ZG16: variants seen among roughly 807,000 people sequenced by gnomAD.
The protein encoded by ZG16 is zymogen granule membrane protein 16.
In ZG16, 9 loss-of-function variants were observed where a neutral mutation model predicts 15.6. The ratio of observed to expected loss-of-function variants is 0.58; its 90% CI spans 0.35 to 1.00. The LOEUF (loss-of-function observed/expected upper bound fraction) is 1.00, where lower values mean the gene tolerates loss of function less well. ZG16 is among the 50% of genes least tolerant of loss of function. The pLI is 0.02. For synonymous variants in ZG16, 89 were observed against 87.4 expected (o/e 1.02, Z -0.10); for missense variants, 174 against 214.8 (o/e 0.81, Z 1.19).
In ZG16 at chr16:29,779,242, C is replaced by T. The variant is rs1253878019; in HGVS notation, c.-7-18C>T. ...GGAAGAAGGTGAATCTTCATTTGCTCTTTTCTTCCCACTCCAGCCCCAGAA... is the reference window on the plus strand; with the variant it reads ...GGAAGAAGGTGAATCTTCATTTGCTTTTTTCTTCCCACTCCAGCCCCAGAA... On this transcript the variant is annotated intron_variant, in intron 1 of 3. Transcript: ENST00000400752. 13 of 1,537,442 alleles carry T rather than the reference C, an allele frequency of 8.5e-6. No individual in the cohort carries two copies. The highest frequency in any genetic ancestry group is 2.7e-5 in the African/African-American group (2 of 73,054).
Position 29,780,621 on chromosome 16 carries a change from G to A in ZG16, c.*202G>A, listed in dbSNP as rs558919859. 155 of 561,402 alleles carry A rather than the reference G, an allele frequency of 2.8e-4. No homozygotes were observed. In the African/African-American group the frequency reaches 2.8e-3, roughly 10 times the overall value. 34.8% of individuals were successfully genotyped at this position (561,402 alleles called of 1,614,324 possible). ...GGCTTTGGACATCTGTCTGGAAGAT[G>A]GGAAGATGAGGGAGAGGTATGTAAG... On this transcript the variant is annotated 3_prime_UTR_variant, in exon 4 of 4. Transcript: ENST00000400752.
Position 29,780,496 on chromosome 16 carries a change from AT to A in ZG16, c.*78del. On this transcript the variant is annotated 3_prime_UTR_variant, in exon 4 of 4. Transcript: ENST00000400752. ...CACTAACCCCCATCCAAATGGCTCA[AT>A]AAAAAAAATATGGTTAAGGCTAGTC... 8.3e-7 allele frequency: 1 copy of A among 1,210,214 alleles called. No individual in the cohort carries two copies. Among genetic ancestry groups the A allele is most frequent in the Non-Finnish European group, 1.1e-6 (1 of 936,224 alleles). 75.0% of individuals were successfully genotyped at this position (1,210,214 alleles called of 1,614,324 possible). A position where few individuals can be genotyped will look rare whatever the true frequency, so the allele number is the denominator to read the frequency against.
At chr16:29,779,108 G>A (rs1455245238) in intron 1 of ZG16, among the ~76,000 whole-genome samples, 152 bp from the exon 2 acceptor site, 1 of 152,166 alleles carries the variant, frequency 6.6e-6, no homozygotes, top group Non-Finnish European at 1.5e-5. Context: ...ACAGGCTATG[G>A]ACAGTCCTTT....
chr16:29,780,525 T>C lies in ZG16; in HGVS notation c.*106T>C. 9.5e-7 allele frequency: 1 copy of C among 1,052,036 alleles called. No individual in the cohort carries two copies. Among genetic ancestry groups the C allele is most frequent in the South Asian group, 1.8e-5 (1 of 56,006 alleles). The allele number at this position is 1,052,036 out of a possible 1,614,324, so 65.2% of individuals were successfully genotyped here. A position where few individuals can be genotyped will look rare whatever the true frequency, so the allele number is the denominator to read the frequency against. On this transcript the variant is annotated 3_prime_UTR_variant, in exon 4 of 4. Transcript: ENST00000400752. Reference sequence around the variant, plus strand: ...AAAAAATATGGTTAAGGCTAGTCTGTGTGGGGGCATCTGTGGCTGGGATAT... The same window carrying C: ...AAAAAATATGGTTAAGGCTAGTCTGCGTGGGGGCATCTGTGGCTGGGATAT...
At position 29,780,155 on chromosome 16, in the gene ZG16, C is replaced by T. The variant is rs149294100; in HGVS notation, c.240C>T (p.Asn80=). 1.9e-5 allele frequency: 29 copies of T among 1,537,150 alleles called. No individual in the cohort carries two copies. The highest frequency in any genetic ancestry group is 7.3e-5 in the East Asian group (3 of 40,914). ...GGAGCGACTATGTGGGTGGTCGCAA[C>T]GGAGACCTGGAGGAGATCTTTCTGC... ...KVWSDYVGGR[N]GDLEEIFLHP... is the part of the protein sequence containing the mutation. The change falls in exon 4 of 4, where the codon AAC becomes AAT. Residue 80 remains asparagine (N), a synonymous_variant. Transcript: ENST00000400752.
Position 29,779,809 on chromosome 16 carries a change from C to T in ZG16, c.188+172C>T, listed in dbSNP as rs561386438. 1.1e-3 allele frequency among the ~76,000 whole-genome samples: 172 copies of T among 151,990 alleles called. 1 individual carries two copies. Among genetic ancestry groups the T allele is most frequent in the African/African-American group, 3.7e-3 (154 of 41,424 alleles). ...CCAGGTACCAAGACCCCATCTCTAC[C>T]GAAGAAAAACAAAAAAATTAGCCAG... On this transcript the variant is annotated intron_variant, in intron 3 of 3. Transcript: ENST00000400752.
intron 1 of ZG16, 64 bp downstream of exon 1, chr16:29,778,370 AG>A (rs1420637971): frequency 2.0e-5 from 3 of 152,302 alleles, no homozygotes; most frequent in African/African-American, 7.2e-5. Context: ...GCTGGCGAAG[AG>A]GATGCCTGGA....
rs1036928290 is a variant in ZG16, at chr16:29,780,306, G to A, written c.391G>A (p.Val131Ile). The A allele has an allele frequency of 1.6e-5, 24 of 1,537,362 alleles. No homozygotes were observed. The highest frequency in any genetic ancestry group is 7.8e-5 in the Admixed American group (4 of 50,992). The change falls in exon 4 of 4, where the codon GTC becomes ATC. Residue 131 changes from valine (V) to isoleucine (I), a missense_variant. Transcript: ENST00000400752. ...GKDSGTSFNAVPLHPNTVLRF... is the reference protein window; with the variant it reads ...GKDSGTSFNAIPLHPNTVLRF... Reference sequence around the variant, plus strand: ...AGACAGTGGCACAAGTTTCAATGCCGTCCCCTTGCACCCCAACACCGTGCT... The same window carrying A: ...AGACAGTGGCACAAGTTTCAATGCCATCCCCTTGCACCCCAACACCGTGCT...
At chr16:29,778,798 T>C (rs187271349) in intron 1 of ZG16, among the ~76,000 whole-genome samples, 1 of 152,196 alleles carries the variant, frequency 6.6e-6, no homozygotes, top group Non-Finnish European at 1.5e-5. Flanking sequence ...ATGATGAGGC[T>C]TTCTTTGCTC....
Position 29,780,527 on chromosome 16 carries a change from T to TG in ZG16, c.*113dup. 1 of 1,034,464 alleles carries TG rather than the reference T, an allele frequency of 9.7e-7. No homozygotes were observed. Among genetic ancestry groups the TG allele is most frequent in the Non-Finnish European group, 1.4e-6 (1 of 737,764 alleles). The allele number at this position is 1,034,464 out of a possible 1,614,324, so 64.1% of individuals were successfully genotyped here. A position where few individuals can be genotyped will look rare whatever the true frequency, so the allele number is the denominator to read the frequency against. The stretch of plus-strand genomic sequence containing the variant: ...AAAATATGGTTAAGGCTAGTCTGTG[T>TG]GGGGGCATCTGTGGCTGGGATATCT... On this transcript the variant is annotated 3_prime_UTR_variant, in exon 4 of 4. Transcript: ENST00000400752.
chr16:29,780,214 AG>A lies in ZG16; in HGVS notation c.300del (p.Lys100AsnfsTer6). 6.5e-7 allele frequency: 1 copy of A among 1,537,458 alleles called. No individual in the cohort carries two copies. The highest frequency in any genetic ancestry group is 1.2e-5 in the South Asian group (1 of 84,060). ...GAATCAGTGATCCAGGTTTCTGGGA[AG>A]TACAAGTGGTACCTGAAGAAGCTGG... ...PGESVIQVSG[K>X]YKWYLKKLVF... On this transcript the variant is annotated frameshift_variant, in exon 4 of 4. Coordinates refer to ENST00000400752, the MANE Select transcript of ZG16 (RefSeq NM_152338.4). LOFTEE classifies it high-confidence loss of function.
intron 3 of ZG16, 116 bp downstream of exon 3, chr16:29,779,753 TG>T (rs1174406067): frequency 1.6e-6 from 2 of 1,234,670 alleles, no homozygotes; most frequent in Non-Finnish European, 2.2e-6. Flanking sequence ...CTGGGCAAGA[TG>T]CCAGGGATGC....
At position 29,780,299 on chromosome 16, in the gene ZG16, C is replaced by T; in HGVS notation, c.384C>T (p.Phe128=). ...LSFGKDSGTS[F]NAVPLHPNTV... is the part of the protein sequence containing the mutation. ...TTGGGAAAGACAGTGGCACAAGTTT[C>T]AATGCCGTCCCCTTGCACCCCAACA... is the stretch of plus-strand genomic sequence containing the variant. Residue 128 remains phenylalanine (F), a synonymous_variant, in exon 4 of 4, where the codon TTC becomes TTT. Transcript: ENST00000400752. 6.5e-7 allele frequency: 1 copy of T among 1,537,440 alleles called. No individual in the cohort carries two copies.
At position 29,780,295 on chromosome 16, in the gene ZG16, G is replaced by A. The variant is rs1898609678; in HGVS notation, c.380G>A (p.Ser127Asn). The A allele has an allele frequency of 1.3e-6, 2 of 1,537,450 alleles. No homozygotes were observed. Among genetic ancestry groups the A allele is most frequent in the South Asian group, 1.2e-5 (1 of 84,062 alleles). ...TCTTTTGGGAAAGACAGTGGCACAA[G>A]TTTCAATGCCGTCCCCTTGCACCCC... is the stretch of plus-strand genomic sequence containing the variant. ...YLSFGKDSGT[S>N]FNAVPLHPNT... Residue 127 changes from serine (S) to asparagine (N), a missense_variant, in exon 4 of 4, where the codon AGT (serine) becomes AAT (asparagine). Physicochemically the swap from Ser to Asn is conservative, Grantham distance 46. Coordinates refer to ENST00000400752, the MANE Select transcript of ZG16 (RefSeq NM_152338.4).
Position 29,780,626 on chromosome 16 carries a change from G to A in ZG16, c.*207G>A. Reference sequence around the variant, plus strand: ...TGGACATCTGTCTGGAAGATGGGAAGATGAGGGAGAGGTATGTAAGAATCC... The same window carrying A: ...TGGACATCTGTCTGGAAGATGGGAAAATGAGGGAGAGGTATGTAAGAATCC... On this transcript the variant is annotated 3_prime_UTR_variant, in exon 4 of 4. Coordinates refer to ENST00000400752, the MANE Select transcript of ZG16 (RefSeq NM_152338.4). 1 of 560,132 alleles carries A rather than the reference G, an allele frequency of 1.8e-6. No individual in the cohort carries two copies. The highest frequency in any genetic ancestry group is 2.9e-5 in the East Asian group (1 of 34,022). 34.7% of individuals were successfully genotyped at this position (560,132 alleles called of 1,614,324 possible).
rs1898631205 is a variant in ZG16 at position 29,782,206 on chromosome 16, A to G, written c.*1787A>G. On this transcript the variant is annotated 3_prime_UTR_variant, in exon 4 of 4. Transcript: ENST00000400752. The stretch of plus-strand genomic sequence containing the variant: ...CCGCCACGGAGCCCCAGCCTCCTCT[A>G]TGGCAGGGGCCCTGTGGTGGGGAAT... The G allele has an allele frequency of 6.6e-6, 1 of 151,944 alleles. No individual in the cohort carries two copies. The highest frequency in any genetic ancestry group is 2.4e-5 in the African/African-American group (1 of 41,328). The allele number at this position is 151,944 out of a possible 1,614,324, so 9.4% of individuals were successfully genotyped here.
chr16:29,782,147 G>A lies in ZG16; in HGVS notation c.*1728G>A, dbSNP rs996412272. 1 of 152,202 alleles carries A rather than the reference G, an allele frequency of 6.6e-6. No individual in the cohort carries two copies. Among genetic ancestry groups the A allele is most frequent in the Admixed American group, 6.5e-5 (1 of 15,282 alleles). The allele number at this position is 152,202 out of a possible 1,614,324, so 9.4% of individuals were successfully genotyped here. On this transcript the variant is annotated 3_prime_UTR_variant, in exon 4 of 4. Coordinates refer to ENST00000400752, the MANE Select transcript of ZG16 (RefSeq NM_152338.4). ...CTGGATCCCTCATCACTGCCAATAC[G>A]GGGCTAGCAATATGTCTGCCCCAGT...
intron 2 of ZG16, 62 bp downstream of exon 2, chr16:29,779,383 T>C: frequency 6.5e-7 from 1 of 1,534,974 alleles, no homozygotes; most frequent in Non-Finnish European, 8.7e-7. Context: ...GGCACTGCTG[T>C]TGGCCAAGGC....
rs1210483199 is a variant in ZG16, at chr16:29,781,296, T to C, written c.*877T>C. On this transcript the variant is annotated 3_prime_UTR_variant, in exon 4 of 4. Transcript: ENST00000400752. ...AGGGTTTTGTGTCTTTTTAAAATCC[T>C]AGACAGGAGAGTCACAAGCATGTTC... 6.6e-6 allele frequency: 1 copy of C among 152,100 alleles called. No individual in the cohort carries two copies. Among genetic ancestry groups the C allele is most frequent in the Non-Finnish European group, 1.5e-5 (1 of 68,032 alleles). 9.4% of individuals were successfully genotyped at this position (152,100 alleles called of 1,614,324 possible).
Sources: gnomAD v4.1 joint callset for allele counts (sites outside exome capture counted in the v4.1 genomes callset) on GRCh38, gnomAD v4.1.1 for gene constraint, MANE v1.5 for transcripts, NCBI Gene and HGNC (gene_info 2026-07-23, HGNC 2026-07-21) for gene names.